The following SLC38A1 variants were observed in gnomAD, a reference collection of about 807,000 sequenced individuals.
SLC38A1 encodes sodium-coupled neutral amino acid symporter 1.
Under a neutral mutation model 60.3 loss-of-function variants are expected in SLC38A1, and 18 were observed. That is an observed-to-expected ratio of 0.30 (90% CI 0.21 to 0.44). SLC38A1 has a LOEUF of 0.44. SLC38A1 is among the 20% of genes least tolerant of loss of function. The pLI is 1.00. For synonymous variants in SLC38A1, 196 were observed against 212.1 expected (o/e 0.92, Z 0.66); for missense variants, 448 against 587.2 (o/e 0.76, Z 2.45).
rs1403940030 is a variant in SLC38A1, at chr12:46,184,675, T to C, written c.*4295A>G. ...AGACCTTTCAGTAGAGAATTCGCTT[T>C]AAAAGGAGGACAGGATTATCACCAC... On this transcript the variant is annotated 3_prime_UTR_variant, in exon 17 of 17. Transcript: ENST00000398637. 1 of 152,154 alleles carries C rather than the reference T, an allele frequency of 6.6e-6. No individual in the cohort carries two copies. The allele number at this position is 152,154 out of a possible 1,614,324, so 9.4% of individuals were successfully genotyped here. A position where few individuals can be genotyped will look rare whatever the true frequency, so the allele number is the denominator to read the frequency against.
chr12:46,265,425 T>A (rs926598931), intron 1 of SLC38A1, among the ~76,000 whole-genome samples: 1 of 152,144 alleles, frequency 6.6e-6, no homozygotes, highest in African/African-American at 2.4e-5. Flanking sequence ...AAAAGTGGCA[T>A]CAGGGATAGG....
chr12:46,222,280 T>G (rs888975003), intron 5 of SLC38A1, among the ~76,000 whole-genome samples: 4 of 152,040 alleles, frequency 2.6e-5, no homozygotes, highest in African/African-American at 9.7e-5. Context: ...AAAAATAAAT[T>G]CAAAGAGTCT....
chr12:46,218,605 A>G (rs748809105), intron 5 of SLC38A1, among the ~76,000 whole-genome samples: 9 of 152,114 alleles, frequency 5.9e-5, no homozygotes, highest in African/African-American at 1.2e-4. Context: ...TAGTCGCCCA[A>G]TGGGTTCACC....
chr12:46,218,860 T>C (rs1940531941), intron 5 of SLC38A1, among the ~76,000 whole-genome samples: 1 of 152,164 alleles, frequency 6.6e-6, no homozygotes, highest in Non-Finnish European at 1.5e-5. Flanking sequence ...ATTTTCTTGC[T>C]GTCTTCTGTT....
rs1941387597 is a variant in SLC38A1, at chr12:46,239,851, G to A, written c.-51C>T. On this transcript the variant is annotated 5_prime_UTR_variant, in exon 3 of 17. Coordinates refer to ENST00000398637, the MANE Select transcript of SLC38A1 (RefSeq NM_030674.4). ...AATTAGTCCAAATTTCTCCTGTTCT[G>A]AGTGTATTTAGAAGTAGATACCAAA... The A allele has an allele frequency of 6.2e-7, 1 of 1,600,234 alleles. No homozygotes were observed.
At chr12:46,216,676 C>T (rs1323715828) in intron 5 of SLC38A1, among the ~76,000 whole-genome samples, 1 of 152,130 alleles carries the variant, frequency 6.6e-6, no homozygotes, top group African/African-American at 2.4e-5. Flanking sequence ...CATGGTGAAA[C>T]CCCGTATCTA....
intron 5 of SLC38A1, among the ~76,000 whole-genome samples, chr12:46,228,870 C>T (rs1592117731): frequency 6.6e-6 from 1 of 152,144 alleles, no homozygotes; most frequent in Admixed American, 6.5e-5. Context: ...AGGTAGACTC[C>T]AAAAATACCA....
chr12:46,266,394 A>G (rs59702903), intron 1 of SLC38A1, among the ~76,000 whole-genome samples: 8,234 of 152,222 alleles, frequency 0.054, 576 homozygotes, highest in East Asian at 0.27. Flanking sequence ...TTTAAAATCT[A>G]TTCATCTATC....
chr12:46,189,752 A>G (rs1939066505), intron 16 of SLC38A1, among the ~76,000 whole-genome samples: 1 of 152,188 alleles, frequency 6.6e-6, no homozygotes, highest in Admixed American at 6.5e-5. Context: ...GTGATAGTGA[A>G]TAAATCTCAT....
At chr12:46,226,539 G>T (rs1940869207) in intron 5 of SLC38A1, among the ~76,000 whole-genome samples, 2 of 151,138 alleles carry the variant, frequency 1.3e-5, no homozygotes, top group South Asian at 2.1e-4. Context: ...AGTCTAGAAG[G>T]TCCAAAATCT....
Position 46,239,780 on chromosome 12 carries a change from T to G in SLC38A1, c.21A>C (p.Gly7=). 1.2e-6 allele frequency: 2 copies of G among 1,613,120 alleles called. No individual in the cohort carries two copies. Among genetic ancestry groups the G allele is most frequent in the Non-Finnish European group, 1.7e-6 (2 of 1,179,980 alleles). ...TGTTTTGCAACTCAGTTAATTCGAGTCCACTTTTGAAATGCATCATGATTA... is the reference window on the plus strand; with the variant it reads ...TGTTTTGCAACTCAGTTAATTCGAGGCCACTTTTGAAATGCATCATGATTA... MMHFKS[G]LELTELQNMT... Residue 7 remains glycine (G), a synonymous_variant, in exon 3 of 17, where the codon GGA becomes GGC. Coordinates refer to ENST00000398637, the MANE Select transcript of SLC38A1 (RefSeq NM_030674.4).
intron 6 of SLC38A1, among the ~76,000 whole-genome samples, chr12:46,208,474 C>T (rs1565760847): frequency 6.6e-6 from 1 of 152,100 alleles, no homozygotes; most frequent in East Asian, 1.9e-4. Flanking sequence ...TAAATGGAGT[C>T]ATGTATATAC....
At chr12:46,256,962 T>TAA (rs1053813343) in intron 1 of SLC38A1, among the ~76,000 whole-genome samples, 1 of 151,566 alleles carries the variant, frequency 6.6e-6, no homozygotes, top group Non-Finnish European at 1.5e-5. Flanking sequence ...TCACCCTGAG[T>TAA]AATAGAAAAG....
chr12:46,266,758 T>C (rs756633285), intron 1 of SLC38A1, among the ~76,000 whole-genome samples: 2 of 152,130 alleles, frequency 1.3e-5, no homozygotes, highest in Non-Finnish European at 2.9e-5. Flanking sequence ...CTGTAGAAAA[T>C]GTTTATTGGC....
At chr12:46,225,681 G>A (rs928302197) in intron 5 of SLC38A1, among the ~76,000 whole-genome samples, 3 of 152,116 alleles carry the variant, frequency 2.0e-5, no homozygotes, top group East Asian at 1.9e-4. Flanking sequence ...AAGCTATTGC[G>A]AACAAGCCCC....
In SLC38A1 at chr12:46,252,370, G is replaced by A. The variant is rs113398156; in HGVS notation, c.-208-9056C>T. Among the ~76,000 whole-genome samples the A allele has an allele frequency of 3.4e-3, 523 of 152,160 alleles. 3 individuals carry two copies. The highest frequency in any genetic ancestry group is 0.012 in the African/African-American group (492 of 41,500). Reference sequence around the variant, plus strand: ...GGGCCTGGGGGAGGGATAGCATTACGAGAAATACCCAATGTAAATGACGAA... The same window carrying A: ...GGGCCTGGGGGAGGGATAGCATTACAAGAAATACCCAATGTAAATGACGAA... On this transcript the variant is annotated intron_variant, in intron 1 of 16. Transcript: ENST00000398637.
At chr12:46,191,447 T>A (rs764885811) in intron 16 of SLC38A1, among the ~76,000 whole-genome samples, 7 of 152,196 alleles carry the variant, frequency 4.6e-5, no homozygotes, top group Non-Finnish European at 8.8e-5. Context: ...AATTTTAAAG[T>A]AGTTTTTTCC....
intron 1 of SLC38A1, among the ~76,000 whole-genome samples, chr12:46,266,823 T>G (rs1942367353): frequency 6.6e-6 from 1 of 152,016 alleles, no homozygotes; most frequent in South Asian, 2.1e-4. Flanking sequence ...AACCAAACTA[T>G]TCCAGTTTCC....
At chr12:46,208,491 A>G (rs1006726480) in intron 6 of SLC38A1, among the ~76,000 whole-genome samples, 4 of 152,246 alleles carry the variant, frequency 2.6e-5, no homozygotes, top group African/African-American at 9.6e-5. Flanking sequence ...ATACAATAAT[A>G]GTTGACCAAT....
Sources: allele counts gnomAD v4.1 joint callset (sites outside exome capture counted in the v4.1 genomes callset), GRCh38; gene constraint gnomAD v4.1.1; transcripts MANE v1.5; gene names NCBI Gene and HGNC (gene_info 2026-07-23, HGNC 2026-07-21).